RANGAP1: variants seen among roughly 807,000 people sequenced by gnomAD.
RANGAP1 encodes the protein Ran GTPase activating protein 1.
A neutral mutation model predicts 63.5 loss-of-function variants in RANGAP1; 38 were observed. That is an observed-to-expected ratio of 0.60 (90% CI 0.46 to 0.78). The LOEUF (loss-of-function observed/expected upper bound fraction) is 0.78, where lower values mean the gene tolerates loss of function less well. Ranked by LOEUF, RANGAP1 falls within the 30% of genes least tolerant of loss-of-function variation. The probability of loss-of-function intolerance (pLI) is 0.00; values close to 1 mark genes in which losing one functional copy is unlikely to be tolerated. For missense variants in RANGAP1, 630 were observed against 740.3 expected (o/e 0.85, Z 1.73); for synonymous variants, 329 against 310.5 (o/e 1.06, Z -0.63).
chr22:41,264,659 C>T lies in RANGAP1; in HGVS notation c.480+5G>A, dbSNP rs1325963205. ...ACTCTGCGGGGAGGGGGCTGCCACA[C>T]CCACCTTGCCGCCGCCAATGCCCAT... On this transcript the variant is annotated splice_donor_5th_base_variant and intron_variant, in intron 5 of 15. Transcript: ENST00000356244. 2 of 1,608,494 alleles carry T rather than the reference C, an allele frequency of 1.2e-6. No homozygotes were observed. The highest frequency in any genetic ancestry group is 1.7e-6 in the Non-Finnish European group (2 of 1,175,864).
chr22:41,294,420 A>G, the RANGAP1 span, among the ~76,000 whole-genome samples: 5 of 150,832 alleles, frequency 3.3e-5, no homozygotes, highest in South Asian at 2.1e-4. Context: ...ACCTCCCAGC[A>G]GCCTGCCTTG....
At chr22:41,294,465 G>T in the RANGAP1 span, among the ~76,000 whole-genome samples, 1 of 150,958 alleles carries the variant, frequency 6.6e-6, no homozygotes, top group Admixed American at 6.6e-5. Flanking sequence ...GCCTCTGCCC[G>T]GCCGCCACCC....
intron 13 of RANGAP1, 71 bp from the exon 14 acceptor site, chr22:41,249,888 C>T: frequency 7.3e-7 from 1 of 1,377,488 alleles, no homozygotes; most frequent in Non-Finnish European, 1.0e-6. Flanking sequence ...CCCAGGGTTC[C>T]CCCAACACCG....
intron 2 of RANGAP1, chr22:41,277,637 T>C (rs1434998654): frequency 2.0e-6 from 1 of 508,560 alleles, no homozygotes; most frequent in Non-Finnish European, 2.9e-6. Context: ...CCTAAGAAGT[T>C]GTCCAAGGTG....
At chr22:41,277,698 G>A (rs954672479) in intron 2 of RANGAP1, among the ~76,000 whole-genome samples, 33 of 152,162 alleles carry the variant, frequency 2.2e-4, no homozygotes, top group African/African-American at 5.1e-4. Flanking sequence ...TCACTGATGC[G>A]GGTACCTTCA....
At chr22:41,248,159 G>A (rs1209166278) in intron 15 of RANGAP1, among the ~76,000 whole-genome samples, 1 of 151,382 alleles carries the variant, frequency 6.6e-6, no homozygotes, top group Non-Finnish European at 1.5e-5. Flanking sequence ...CTATGGAAAG[G>A]GGCTCAGGGA....
rs13057249 is a variant in RANGAP1 at position 41,267,161 on chromosome 22, G to A, written c.300+936C>T. Among the ~76,000 whole-genome samples, 2,513 of 152,252 alleles carry A rather than the reference G, an allele frequency of 0.017. 537 individuals carry two copies. The East Asian group carries it at 0.44, about 26-fold the overall frequency. On this transcript the variant is annotated intron_variant, in intron 4 of 15. Coordinates refer to ENST00000356244, the MANE Select transcript of RANGAP1 (RefSeq NM_002883.4). The stretch of plus-strand genomic sequence containing the variant: ...CCCAAAGTGCTGGGATTATAGGCGT[G>A]AGCCACCACGCCTGGCCAGAAATGA...
At chr22:41,251,599 C>T (rs1048004835) in intron 12 of RANGAP1, among the ~76,000 whole-genome samples, 5 of 149,012 alleles carry the variant, frequency 3.4e-5, no homozygotes, top group African/African-American at 5.0e-5. Context: ...GCACTCCAGC[C>T]GGAGTCACAA....
In RANGAP1 at chr22:41,256,008, C is replaced by A; in HGVS notation, c.1073+13G>T. 2 of 1,611,940 alleles carry A rather than the reference C, an allele frequency of 1.2e-6. No individual in the cohort carries two copies. Among genetic ancestry groups the A allele is most frequent in the Non-Finnish European group, 1.7e-6 (2 of 1,179,726 alleles). On this transcript the variant is annotated intron_variant, in intron 10 of 15. Transcript: ENST00000356244. ...CCTGACCCCGACCTCTGGGGCCACC[C>A]CGAGTTCCCTACCTGAGGGACGCCA... is the stretch of plus-strand genomic sequence containing the variant.
Position 41,254,341 on chromosome 22 carries a change from C to T in RANGAP1, c.1227G>A (p.Thr409=), listed in dbSNP as rs368227154. 7 of 1,614,116 alleles carry T rather than the reference C, an allele frequency of 4.3e-6. No individual in the cohort carries two copies. The South Asian group carries it at 4.4e-5, about 10-fold the overall frequency. The change falls in exon 11 of 16, where the codon ACG becomes ACA. Residue 409 remains threonine (T), a synonymous_variant. Coordinates refer to ENST00000356244, the MANE Select transcript of RANGAP1 (RefSeq NM_002883.4). ...TAGGGTCCAGAATCTTCCGTGAGGG[C>T]GTGGCTGACTTCTCTCCCTGCCCTC... is the stretch of plus-strand genomic sequence containing the variant. ...QQRGQGEKSA[T]PSRKILDPNT...
At chr22:41,287,855 G>A (rs1460948165), upstream of RANGAP1, among the ~76,000 whole-genome samples, 2 of 151,884 alleles carry the variant, frequency 1.3e-5, no homozygotes, top group Non-Finnish European at 2.9e-5. Context: ...GCATGGTGAC[G>A]CATGCCTGGA....
chr22:41,268,258 T>G, intron 3 of RANGAP1, 102 bp from the exon 4 acceptor site: 1 of 1,005,346 alleles, frequency 9.9e-7, no homozygotes, highest in South Asian at 1.4e-5. Context: ...ATCACAAGAC[T>G]TTTTTCTTTT....
chr22:41,293,977 G>A, the RANGAP1 span, among the ~76,000 whole-genome samples: 7 of 151,694 alleles, frequency 4.6e-5, no homozygotes, highest in Non-Finnish European at 7.4e-5. Context: ...TAACTTTTTC[G>A]TTAAAAACAA....
intron 1 of RANGAP1, among the ~76,000 whole-genome samples, chr22:41,284,295 C>T (rs1484870140): frequency 1.3e-5 from 2 of 152,010 alleles, no homozygotes; most frequent in Non-Finnish European, 2.9e-5. Context: ...AGGCCGGGTG[C>T]GGTAGCTCAC....
intron 1 of RANGAP1, 70 bp from the exon 2 acceptor site, chr22:41,281,152 A>G (rs1250948890): frequency 5.0e-6 from 7 of 1,407,254 alleles, no homozygotes; most frequent in Non-Finnish European, 6.6e-6. Context: ...AGGGTAGGAC[A>G]TCAGCCATCT....
chr22:41,275,755 G>A (rs1348188822), intron 2 of RANGAP1, among the ~76,000 whole-genome samples: 1 of 151,764 alleles, frequency 6.6e-6, no homozygotes, highest in East Asian at 1.9e-4. Context: ...CTCTAGCCTG[G>A]GCGACACAGT....
At chr22:41,281,339 A>G (rs962476570) in intron 1 of RANGAP1, 3 of 894,862 alleles carry the variant, frequency 3.4e-6, no homozygotes, top group Admixed American at 4.7e-5. Flanking sequence ...CTCCTCTGCT[A>G]AACTGCCGCA....
chr22:41,301,020 A>AGTG, the RANGAP1 span, among the ~76,000 whole-genome samples: 2 of 152,164 alleles, frequency 1.3e-5, no homozygotes, highest in East Asian at 3.9e-4. Flanking sequence ...AACCCACTGC[A>AGTG]GTGGTCCCTA....
At chr22:41,252,440 G>C (rs1451889794) in intron 12 of RANGAP1, among the ~76,000 whole-genome samples, 1 of 152,166 alleles carries the variant, frequency 6.6e-6, no homozygotes, top group East Asian at 1.9e-4. Context: ...GATCATCTAT[G>C]AATGAATGAA....
Sources: allele counts gnomAD v4.1 joint callset (sites outside exome capture counted in the v4.1 genomes callset), GRCh38; gene constraint gnomAD v4.1.1; transcripts MANE v1.5; gene names NCBI Gene and HGNC (gene_info 2026-07-23, HGNC 2026-07-21).